SMARCE1: variants seen among roughly 807,000 people sequenced by gnomAD.
SMARCE1 encodes SWI/SNF related BAF chromatin remodeling complex subunit E1.
Under a neutral mutation model 54.9 loss-of-function variants are expected in SMARCE1, and 13 were observed. The observed-to-expected ratio is 0.24, with a 90% CI of 0.15 to 0.38. The LOEUF (loss-of-function observed/expected upper bound fraction) is 0.38. Ranked by LOEUF, SMARCE1 falls within the 10% of genes least tolerant of loss-of-function variation. The pLI is 1.00. For synonymous variants in SMARCE1, 151 were observed against 175.3 expected (o/e 0.86, Z 1.10); for missense variants, 295 against 523.8 (o/e 0.56, Z 4.26).
At chr17:40,645,285 TAAG>T (rs1235563003) in intron 3 of SMARCE1, 1 of 409,026 alleles carries the variant, frequency 2.4e-6, no homozygotes, top group African/African-American at 2.1e-5. Flanking sequence ...TGAAGATTAA[TAAG>T]AAAGAAATGG....
chr17:40,645,798 G>T lies in SMARCE1; in HGVS notation c.5C>A (p.Ser2Ter). 4 of 1,160,230 alleles carry T rather than the reference G, an allele frequency of 3.4e-6. No individual in the cohort carries two copies. The highest frequency in any genetic ancestry group is 4.1e-5 in the South Asian group (2 of 48,254). The allele number at this position is 1,160,230 out of a possible 1,614,324, so 71.9% of individuals were successfully genotyped here. M[S>*]KRPSYAPPPT... ...TAAATATAAAAATTGAAACTTACTT[G>T]ACATTTTGGAAGATTAAGTTCTCAG... The change falls in exon 2 of 11, where the codon TCA (serine) becomes TAA (stop). Residue 2 changes from serine to a stop codon, truncating the protein, a stop_gained and splice_region_variant. Coordinates refer to ENST00000348513, the MANE Select transcript of SMARCE1 (RefSeq NM_003079.5). LOFTEE classifies it high-confidence loss of function.
chr17:40,629,601 C>G (rs1056331209), intron 10 of SMARCE1: 15 of 877,484 alleles, frequency 1.7e-5, no homozygotes, highest in Non-Finnish European at 2.1e-5. Context: ...GGTTTTAGCT[C>G]TAATAGTCTC....
Position 40,642,294 on chromosome 17 carries a change from TCAG to T in SMARCE1, c.156+158_156+160del. 1 of 680,584 alleles carries T rather than the reference TCAG, an allele frequency of 1.5e-6. No homozygotes were observed. The highest frequency in any genetic ancestry group is 2.4e-5 in the Admixed American group (1 of 42,000). The allele number at this position is 680,584 out of a possible 1,614,324, so 42.2% of individuals were successfully genotyped here. A position where few individuals can be genotyped will look rare whatever the true frequency, so the allele number is the denominator to read the frequency against. ...ATTCCAGATCTCACTATTTATTTTT[TCAG>T]TGTGAGATGCTACAACGAATGTTGA... On this transcript the variant is annotated intron_variant, in intron 4 of 10. Coordinates refer to ENST00000348513, the MANE Select transcript of SMARCE1 (RefSeq NM_003079.5). The surrounding 1 kb of genome is among the most constrained non-coding windows in gnomAD (Gnocchi z 4.6).
intron 5 of SMARCE1, chr17:40,637,152 T>C (rs2037154624): frequency 4.0e-6 from 1 of 247,552 alleles, no homozygotes; most frequent in Non-Finnish European, 8.0e-6. Flanking sequence ...GTGGTTGCTA[T>C]TATTTTTATA....
chr17:40,636,306 G>C, intron 6 of SMARCE1, 89 bp downstream of exon 6: 1 of 1,420,664 alleles, frequency 7.0e-7, no homozygotes, highest in East Asian at 2.3e-5. Context: ...TCAGTGTTCT[G>C]ACCAAATCTT....
chr17:40,645,174 G>C (rs1453857927), intron 3 of SMARCE1: 5 of 284,948 alleles, frequency 1.8e-5, no homozygotes, highest in South Asian at 1.6e-4. Flanking sequence ...ATTTTAGAGA[G>C]AGACAAGAAA....
At chr17:40,631,856 A>G in intron 8 of SMARCE1, 163 bp from the exon 9 acceptor site, 1 of 579,162 alleles carries the variant, frequency 1.7e-6, no homozygotes. Flanking sequence ...ATTATGATCA[A>G]TAGGTAAATG....
chr17:40,632,075 A>T, intron 8 of SMARCE1, 120 bp downstream of exon 8: 1 of 801,250 alleles, frequency 1.2e-6, no homozygotes, highest in Non-Finnish European at 2.0e-6. Context: ...TCTTCTCCAA[A>T]TCAGGAACAG....
rs1043227608 is a variant in SMARCE1, at chr17:40,627,714, T to C, written c.*1071A>G. ...TGCATTAAAAACACTGAGACCTTTTTTTCATTTTTTTTTTTATTACATTTG... is the reference window on the plus strand; with the variant it reads ...TGCATTAAAAACACTGAGACCTTTTCTTCATTTTTTTTTTTATTACATTTG... On this transcript the variant is annotated 3_prime_UTR_variant, in exon 11 of 11. Transcript: ENST00000348513. The C allele has an allele frequency of 5.2e-5, 4 of 77,036 alleles. No individual in the cohort carries two copies. Among genetic ancestry groups the C allele is most frequent in the East Asian group, 4.8e-4 (1 of 2,064 alleles). 4.8% of individuals were successfully genotyped at this position (77,036 alleles called of 1,614,324 possible).
At chr17:40,632,548 G>A (rs1483756294) in intron 7 of SMARCE1, 181 bp from the exon 8 acceptor site, 2 of 556,824 alleles carry the variant, frequency 3.6e-6, no homozygotes, top group Non-Finnish European at 6.3e-6. Flanking sequence ...GACGTAATGT[G>A]TTCATTGGCC....
chr17:40,628,942 C>A lies in SMARCE1; in HGVS notation c.1079G>T (p.Gly360Val). 1 of 1,613,828 alleles carries A rather than the reference C, an allele frequency of 6.2e-7. No individual in the cohort carries two copies. Among genetic ancestry groups the A allele is most frequent in the Non-Finnish European group, 8.5e-7 (1 of 1,179,836 alleles). Residue 360 changes from glycine to valine, a missense_variant, in exon 11 of 11, where the codon GGC (glycine) becomes GTC (valine). By Grantham distance (109) the Gly-to-Val change is moderately radical. This residue lies in a region of SMARCE1 where 147 missense variants were observed against 161.4 expected (regional missense o/e 0.91). Transcript: ENST00000348513. ...TTESQQNGEEGTSTPEDKESG... is the reference protein window; with the variant it reads ...TTESQQNGEEVTSTPEDKESG... ...CTCCTTGTCCTCAGGAGTAGACGTG[C>A]CTTCTTCACCATTCTGTTGGCTCTC...
At position 40,628,721 on chromosome 17, in the gene SMARCE1, A is replaced by G. The variant is rs1227468754; in HGVS notation, c.*64T>C. 7.1e-7 allele frequency: 1 copy of G among 1,406,026 alleles called. No homozygotes were observed. Among genetic ancestry groups the G allele is most frequent in the Non-Finnish European group, 1.0e-6 (1 of 1,001,170 alleles). The allele number at this position is 1,406,026 out of a possible 1,614,324, so 87.1% of individuals were successfully genotyped here. A position where few individuals can be genotyped will look rare whatever the true frequency, so the allele number is the denominator to read the frequency against. ...ATTAATACACAAACCACGTAACACC[A>G]TTAAAACCAAAAAACATTTTTTCAT... On this transcript the variant is annotated 3_prime_UTR_variant, in exon 11 of 11. Coordinates refer to ENST00000348513, the MANE Select transcript of SMARCE1 (RefSeq NM_003079.5).
At chr17:40,637,459 G>A in intron 5 of SMARCE1, 33 bp downstream of exon 5, 1 of 1,503,450 alleles carries the variant, frequency 6.7e-7, no homozygotes. Context: ...CAAAGACAGT[G>A]TCCTCACTCC....
At chr17:40,632,484 C>G in intron 7 of SMARCE1, 117 bp from the exon 8 acceptor site, 1 of 815,080 alleles carries the variant, frequency 1.2e-6, no homozygotes, top group South Asian at 1.7e-5. Flanking sequence ...ACAAGTGGAC[C>G]TGCCCAGCGT....
chr17:40,631,914 T>C, intron 8 of SMARCE1: 1 of 552,344 alleles, frequency 1.8e-6, no homozygotes, highest in Admixed American at 3.3e-5. Context: ...GAAAAAATAT[T>C]TAGCATAGCA....
chr17:40,634,967 C>T (rs2143993768), intron 7 of SMARCE1: 1 of 152,240 alleles, frequency 6.6e-6, no homozygotes, highest in Middle Eastern at 3.4e-3. Context: ...TATAGTATTA[C>T]ATTCCACTGT....
chr17:40,636,666 C>G, intron 5 of SMARCE1, 140 bp from the exon 6 acceptor site: 1 of 616,050 alleles, frequency 1.6e-6, no homozygotes, highest in Non-Finnish European at 2.8e-6. Flanking sequence ...CAGCCTACTT[C>G]AAAAATTATC....
chr17:40,626,816 G>GT lies in SMARCE1; in HGVS notation c.*1968dup, dbSNP rs1450251334. The GT allele has an allele frequency of 9.3e-6, 1 of 107,974 alleles. No individual in the cohort carries two copies. Among genetic ancestry groups the GT allele is most frequent in the African/African-American group, 4.0e-5 (1 of 24,876 alleles). The allele number at this position is 107,974 out of a possible 1,614,324, so 6.7% of individuals were successfully genotyped here. ...TTGAACCTGGGAGGTGGAGGTTGCAGTGAGCTGAGATCGCCACCACTGCAC... is the reference window on the plus strand; with the variant it reads ...TTGAACCTGGGAGGTGGAGGTTGCAGTTGAGCTGAGATCGCCACCACTGCAC... On this transcript the variant is annotated 3_prime_UTR_variant, in exon 11 of 11. Transcript: ENST00000348513.
At chr17:40,630,018 A>T (rs1348679718) in intron 10 of SMARCE1, 1 of 433,272 alleles carries the variant, frequency 2.3e-6, no homozygotes, top group Non-Finnish European at 4.1e-6. Context: ...ACTTCTTGCA[A>T]CGATGCTCCA....
Sources: allele counts gnomAD v4.1 joint callset, GRCh38; gene constraint gnomAD v4.1.1; regional missense constraint gnomAD v4.1.1; non-coding constraint Gnocchi (gnomAD v3.1); transcripts MANE v1.5; gene names NCBI Gene and HGNC (gene_info 2026-07-23, HGNC 2026-07-21).